The following PRKAG2 variants were observed in gnomAD, a reference collection of about 807,000 sequenced individuals.
PRKAG2 encodes 5'-AMP-activated protein kinase subunit gamma-2.
In PRKAG2, 26 loss-of-function variants were observed where a neutral mutation model predicts 69.6. The observed-to-expected ratio is 0.37, with a 90% CI of 0.27 to 0.52. The LOEUF (loss-of-function observed/expected upper bound fraction) is 0.52, where lower values mean the gene tolerates loss of function less well. Ranked by LOEUF, PRKAG2 falls within the 20% of genes least tolerant of loss-of-function variation. The pLI, the probability that PRKAG2 is intolerant of heterozygous loss-of-function variation, is 0.90. For missense variants in PRKAG2, 557 were observed against 740.0 expected (o/e 0.75, Z 2.87); for synonymous variants, 293 against 285.0 (o/e 1.03, Z -0.28).
chr7:151,636,256 A>G (rs377307942), intron 4 of PRKAG2, among the ~76,000 whole-genome samples: 2 of 152,152 alleles, frequency 1.3e-5, no homozygotes, highest in South Asian at 4.1e-4. Flanking sequence ...GCAACTATCT[A>G]AGTTTACATT....
At chr7:151,778,107 G>C (rs1297869894) in intron 3 of PRKAG2, among the ~76,000 whole-genome samples, 3 of 152,002 alleles carry the variant, frequency 2.0e-5, no homozygotes, top group African/African-American at 7.3e-5. Context: ...CCCTCACCTA[G>C]AGGCCGACTC....
intron 5 of PRKAG2, 55 bp from the exon 6 acceptor site, chr7:151,595,509 T>G (rs1039716948): frequency 1.6e-6 from 2 of 1,213,782 alleles, no homozygotes; most frequent in Non-Finnish European, 2.4e-6. Context: ...CTCAATCGGA[T>G]GAAGAGCATA....
intron 5 of PRKAG2, among the ~76,000 whole-genome samples, chr7:151,599,518 A>G (rs938451705): frequency 6.6e-6 from 1 of 152,212 alleles, no homozygotes; most frequent in African/African-American, 2.4e-5. Flanking sequence ...CTAGAACAGC[A>G]GTCCCTAGGA....
intron 6 of PRKAG2, among the ~76,000 whole-genome samples, chr7:151,586,340 T>C (rs1329378510): frequency 1.3e-5 from 2 of 152,192 alleles, no homozygotes; most frequent in Admixed American, 1.3e-4. Context: ...TAAATTTTTT[T>C]TTTGGTCAAT....
At chr7:151,624,761 G>A (rs1424416051) in intron 5 of PRKAG2, among the ~76,000 whole-genome samples, 2 of 152,094 alleles carry the variant, frequency 1.3e-5, no homozygotes, top group East Asian at 1.9e-4. Context: ...ACACCTCCAG[G>A]GTTCACTCAG....
chr7:151,831,431 G>A (rs1586683819), intron 1 of PRKAG2, among the ~76,000 whole-genome samples: 1 of 152,072 alleles, frequency 6.6e-6, no homozygotes. Flanking sequence ...GGTACAACAT[G>A]GACGAACCTT....
Position 151,568,803 on chromosome 7 carries a change from G to A in PRKAG2, c.1146C>T (p.Ile382=), listed in dbSNP as rs776906039. Residue 382 remains isoleucine, a synonymous_variant, in exon 11 of 16, where the codon ATC becomes ATT. Transcript: ENST00000287878. The part of the protein sequence containing the change: ...DAVYSLIKNK[I]HRLPVIDPIS... ...TAGGGTCAATAACGGGCAATCTGTG[G>A]ATTTTATTTTTGATCAAGGAGTATA... The A allele has an allele frequency of 6.2e-7, 1 of 1,614,010 alleles. No homozygotes were observed. The highest frequency in any genetic ancestry group is 1.1e-5 in the South Asian group (1 of 91,078).
At chr7:151,822,033 G>GC (rs1308854112) in intron 1 of PRKAG2, among the ~76,000 whole-genome samples, 1 of 152,212 alleles carries the variant, frequency 6.6e-6, no homozygotes, top group Admixed American at 6.5e-5. Context: ...TTCCAGTGCC[G>GC]CGTGACTCAG....
intron 1 of PRKAG2, among the ~76,000 whole-genome samples, chr7:151,817,613 C>G (rs1403881732): frequency 6.6e-6 from 1 of 152,202 alleles, no homozygotes; most frequent in Non-Finnish European, 1.5e-5. Flanking sequence ...GAAAGCCTAG[C>G]CCTGCCCCTA....
At chr7:151,650,726 G>T (rs1281343810) in intron 4 of PRKAG2, among the ~76,000 whole-genome samples, 1 of 152,184 alleles carries the variant, frequency 6.6e-6, no homozygotes, top group Non-Finnish European at 1.5e-5. Context: ...ACAAGGCAGT[G>T]GCAAACTGTG....
At chr7:151,811,831 C>T (rs2078437264) in intron 1 of PRKAG2, among the ~76,000 whole-genome samples, 3 of 152,164 alleles carry the variant, frequency 2.0e-5, no homozygotes, top group Non-Finnish European at 4.4e-5. Flanking sequence ...TTTTCACTAC[C>T]GGACATTCAC....
chr7:151,822,464 A>G (rs2078809177), intron 1 of PRKAG2, among the ~76,000 whole-genome samples: 1 of 152,214 alleles, frequency 6.6e-6, no homozygotes, highest in Non-Finnish European at 1.5e-5. Context: ...GCGGCCCTGA[A>G]GACCCTCTGA....
intron 1 of PRKAG2, among the ~76,000 whole-genome samples, chr7:151,856,694 G>A (rs2079784775): frequency 6.6e-6 from 1 of 152,198 alleles, no homozygotes; most frequent in Non-Finnish European, 1.5e-5. Flanking sequence ...CTCAGTGAAT[G>A]CCCGCATCTG....
chr7:151,813,460 A>C (rs942440597), intron 1 of PRKAG2, among the ~76,000 whole-genome samples: 4 of 150,136 alleles, frequency 2.7e-5, no homozygotes, highest in Admixed American at 2.0e-4. Flanking sequence ...AAGCAGACAG[A>C]CAGCCTCTGG....
At chr7:151,804,559 C>T (rs2078008733) in intron 1 of PRKAG2, among the ~76,000 whole-genome samples, 1 of 152,126 alleles carries the variant, frequency 6.6e-6, no homozygotes, top group Admixed American at 6.5e-5. Flanking sequence ...ACACGGATGT[C>T]ACCACGAGCC....
chr7:151,821,553 A>G (rs1183783124), intron 1 of PRKAG2, among the ~76,000 whole-genome samples: 2 of 152,210 alleles, frequency 1.3e-5, no homozygotes, highest in African/African-American at 4.8e-5. Context: ...GTCGTTTAGC[A>G]TGCACAAGGC....
chr7:151,723,569 G>A (rs1034922780), intron 3 of PRKAG2, among the ~76,000 whole-genome samples: 10 of 152,204 alleles, frequency 6.6e-5, no homozygotes, highest in East Asian at 3.9e-4. Flanking sequence ...CCGATGGGCC[G>A]CACCTGCCTT....
At chr7:151,674,408 G>A (rs767906159) in intron 4 of PRKAG2, among the ~76,000 whole-genome samples, 3 of 152,176 alleles carry the variant, frequency 2.0e-5, no homozygotes, top group African/African-American at 7.2e-5. Context: ...AGTGACATGC[G>A]ACACTAATGT....
At chr7:151,820,564 C>T (rs2078745066) in intron 1 of PRKAG2, among the ~76,000 whole-genome samples, 1 of 108,224 alleles carries the variant, frequency 9.2e-6, no homozygotes, top group South Asian at 4.0e-4. Context: ...GGCCTGGCCC[C>T]TGTGGCTTCT....
Sources: gnomAD v4.1 joint callset for allele counts (sites outside exome capture counted in the v4.1 genomes callset) on GRCh38, gnomAD v4.1.1 for gene constraint, MANE v1.5 for transcripts, NCBI Gene and HGNC (gene_info 2026-07-23, HGNC 2026-07-21) for gene names.